CYB5R3: variants seen among roughly 807,000 people sequenced by gnomAD.
CYB5R3 encodes NADH-cytochrome b5 reductase 3.
Under a neutral mutation model 36.5 loss-of-function variants are expected in CYB5R3, and 28 were observed. That is an observed-to-expected ratio of 0.77 (90% confidence interval 0.57 to 1.05). The LOEUF (loss-of-function observed/expected upper bound fraction) is 1.05. Ranked by LOEUF, CYB5R3 falls within the 50% of genes least tolerant of loss-of-function variation. The pLI is 0.00. For missense variants in CYB5R3, 474 were observed against 408.9 expected, an observed-to-expected ratio of 1.16 and a Z score of -1.37; for synonymous variants, 181 against 159.8, an observed-to-expected ratio of 1.13 and a Z score of -1.00.
In CYB5R3 at chr22:42,619,881, C is replaced by T. The variant is rs779762190; in HGVS notation, c.798G>A (p.Glu266=). 6.2e-7 allele frequency: 1 copy of T among 1,608,462 alleles called. No homozygotes were observed. Among genetic ancestry groups the T allele is most frequent in the Admixed American group, 1.7e-5 (1 of 59,332 alleles). The change falls in exon 9 of 9, where the codon GAG becomes GAA. Residue 266 remains glutamate (E), a synonymous_variant. Transcript: ENST00000352397. The part of the protein sequence containing the change: ...EMIRDHLPPP[E]EEPLVLMCGP... ...CACACATCAGCACCAGCGGCTCCTC[C>T]TCTGGGGGTGGAAGGTGGTCCCGGA...
chr22:42,620,209 C>G (rs997005165), intron 8 of CYB5R3, among the ~76,000 whole-genome samples: 1 of 152,184 alleles, frequency 6.6e-6, no homozygotes, highest in African/African-American at 2.4e-5. Flanking sequence ...CATTTGGCCT[C>G]CGGGGTGTCC....
At chr22:42,628,107 T>G (rs1411168508) in intron 5 of CYB5R3, 45 bp downstream of exon 5, 1 of 1,611,396 alleles carries the variant, frequency 6.2e-7, no homozygotes, top group Non-Finnish European at 8.5e-7. Flanking sequence ...AGCTCTCCAA[T>G]TCTCTGAGCC....
Position 42,633,700 on chromosome 22 carries a change from T to C in CYB5R3, c.154-2250A>G, listed in dbSNP as rs184892020. On this transcript the variant is annotated intron_variant, in intron 2 of 8. Transcript: ENST00000352397. Reference sequence around the variant, plus strand: ...TGGGAGGCTGAGGCAGAAGAATCACTTGAACCTGGGAAGTGGAGGTTGCGG... The same window carrying C: ...TGGGAGGCTGAGGCAGAAGAATCACCTGAACCTGGGAAGTGGAGGTTGCGG... Among the ~76,000 whole-genome samples the C allele has an allele frequency of 2.7e-3, 409 of 152,324 alleles. 1 individual carries two copies. The highest frequency in any genetic ancestry group is 4.7e-3 in the Non-Finnish European group (318 of 68,022).
chr22:42,638,306 G>A (rs1330216272), intron 1 of CYB5R3, among the ~76,000 whole-genome samples: 1 of 141,838 alleles, frequency 7.1e-6, no homozygotes, highest in Non-Finnish European at 1.5e-5. Flanking sequence ...TGAGGCAGGA[G>A]AATCGCTTGA....
At chr22:42,627,931 T>G (rs965281280) in intron 5 of CYB5R3, among the ~76,000 whole-genome samples, 2 of 152,114 alleles carry the variant, frequency 1.3e-5, no homozygotes, top group Non-Finnish European at 2.9e-5. Context: ...AGGCTGGCAG[T>G]GGGTGAGACG....
At chr22:42,622,336 C>T (rs749836870) in intron 8 of CYB5R3, among the ~76,000 whole-genome samples, 6 of 152,014 alleles carry the variant, frequency 3.9e-5, no homozygotes, top group South Asian at 2.1e-4. Flanking sequence ...ACAGGAACCC[C>T]GCCACCATAA....
chr22:42,631,810 G>C, intron 2 of CYB5R3: 1 of 353,046 alleles, frequency 2.8e-6, no homozygotes, highest in Non-Finnish European at 5.4e-6. Flanking sequence ...GAAGGGGCAG[G>C]AAGAACTTGA....
At chr22:42,638,662 G>C (rs12171035) in intron 1 of CYB5R3, among the ~76,000 whole-genome samples, 1 of 143,248 alleles carries the variant, frequency 7.0e-6, no homozygotes, top group African/African-American at 2.6e-5. Context: ...GTTGCCTGTG[G>C]AGGAGGTTGC....
chr22:42,642,792 C>T (rs1324494494), intron 1 of CYB5R3, among the ~76,000 whole-genome samples: 1 of 152,148 alleles, frequency 6.6e-6, no homozygotes, highest in Non-Finnish European at 1.5e-5. Flanking sequence ...ACTGGTAGTT[C>T]AACTAGAGAG....
In CYB5R3 at chr22:42,625,432, C is replaced by T. The variant is rs138684688; in HGVS notation, c.634-1544G>A. On this transcript the variant is annotated intron_variant, in intron 7 of 8. Transcript: ENST00000352397. ...CTGAGGCAGGACAATCGCTTGAACC[C>T]GGGAGGCGGAGGTTGCAGTGAGCCG... 8.5e-3 allele frequency among the ~76,000 whole-genome samples: 1,289 copies of T among 152,156 alleles called. 22 individuals carry two copies. The highest frequency in any genetic ancestry group is 0.029 in the African/African-American group (1,205 of 41,490).
intron 1 of CYB5R3, chr22:42,644,393 C>T (rs1372220010): frequency 1.4e-6 from 1 of 711,766 alleles, no homozygotes; most frequent in Non-Finnish European, 2.6e-6. Flanking sequence ...GACTCACCTC[C>T]CAGCTCTCTG....
chr22:42,626,991 C>T (rs912186081), intron 7 of CYB5R3, among the ~76,000 whole-genome samples: 3 of 152,242 alleles, frequency 2.0e-5, no homozygotes, highest in Non-Finnish European at 2.9e-5. Context: ...ATTCTTCCCA[C>T]TCTACCAGTG....
intron 1 of CYB5R3, among the ~76,000 whole-genome samples, chr22:42,643,944 T>A (rs140896426): frequency 1.3e-5 from 2 of 152,132 alleles, no homozygotes; most frequent in East Asian, 3.9e-4. Context: ...ACTCCCCACC[T>A]CAACCCTAGG....
At chr22:42,630,744 A>T in intron 4 of CYB5R3, 138 bp downstream of exon 4, 1 of 747,332 alleles carries the variant, frequency 1.3e-6, no homozygotes, top group Non-Finnish European at 2.3e-6. Flanking sequence ...CAAGCCCCTG[A>T]GGAAGTGGGG....
At chr22:42,644,309 C>G in intron 1 of CYB5R3, 1 of 685,028 alleles carries the variant, frequency 1.5e-6, no homozygotes, top group East Asian at 2.7e-5. Flanking sequence ...ACAGGCGGCT[C>G]CACCCCTCCT....
chr22:42,625,248 T>C (rs909008053), intron 7 of CYB5R3, among the ~76,000 whole-genome samples: 7 of 152,230 alleles, frequency 4.6e-5, no homozygotes, highest in Admixed American at 1.3e-4. Context: ...GGCTCATGCC[T>C]GTAATCTCAG....
rs1280403345 is a variant in CYB5R3 at position 42,623,041 on chromosome 22, G to A, written c.733+748C>T. 3.4e-5 allele frequency among the ~76,000 whole-genome samples: 5 copies of A among 149,082 alleles called. 1 individual carries two copies. The East Asian group carries it at 5.8e-4, about 17-fold the overall frequency. Reference sequence around the variant, plus strand: ...TGTGTCCTCCGGACCAGGCAGATGCGCTCCAATTTACCGCAGTTGCCGCCA... The same window carrying A: ...TGTGTCCTCCGGACCAGGCAGATGCACTCCAATTTACCGCAGTTGCCGCCA... On this transcript the variant is annotated intron_variant, in intron 8 of 8. Coordinates refer to ENST00000352397, the MANE Select transcript of CYB5R3 (RefSeq NM_000398.7).
intron 8 of CYB5R3, among the ~76,000 whole-genome samples, chr22:42,620,510 C>G (rs879391346): frequency 9.2e-5 from 14 of 152,262 alleles, no homozygotes; most frequent in Admixed American, 6.5e-4. Context: ...TGTCCTGCCC[C>G]CTCGAGCCCT....
chr22:42,637,574 C>A (rs376835457), intron 1 of CYB5R3, among the ~76,000 whole-genome samples: 1 of 152,142 alleles, frequency 6.6e-6, no homozygotes, highest in East Asian at 1.9e-4. Context: ...GGCTGTGTGA[C>A]CCCGAGAAAG....
Sources: gnomAD v4.1 joint callset for allele counts (sites outside exome capture counted in the v4.1 genomes callset) on GRCh38, gnomAD v4.1.1 for gene constraint, MANE v1.5 for transcripts, NCBI Gene and HGNC (gene_info 2026-07-23, HGNC 2026-07-21) for gene names.